Variants in ABCC2 observed in about 807,000 individuals in gnomAD.
ABCC2 encodes ATP-binding cassette sub-family C member 2.
Under a neutral mutation model 173.4 loss-of-function variants are expected in ABCC2, and 157 were observed. The ratio of observed to expected loss-of-function variants is 0.91; its 90% confidence interval spans 0.80 to 1.03. The LOEUF is 1.03. Among genes scored for constraint, ABCC2 ranks in the 50% least tolerant of loss-of-function variants. The pLI, the probability that ABCC2 is intolerant of heterozygous loss-of-function variation, is 0.00. For synonymous variants in ABCC2, 657 were observed against 693.5 expected, an observed-to-expected ratio of 0.95 and a Z score of 0.83; for missense variants, 1,822 against 1,852.3, an observed-to-expected ratio of 0.98 and a Z score of 0.30.
chr10:99,816,220 C>A (rs1426231748), intron 16 of ABCC2, among the ~76,000 whole-genome samples: 1 of 152,122 alleles, frequency 6.6e-6, no homozygotes, highest in East Asian at 1.9e-4. Context: ...CCTGCCTCAG[C>A]CTCCCAGTGT....
Position 99,793,910 on chromosome 10 carries a change from G to C in ABCC2, c.487G>C (p.Ala163Pro). ...CTCATAGGGTGACAATTCTAATCTA[G>C]CCTACTCCTGCCTGTTCTTCATCTC... Reference protein sequence around the residue: ...TLLQGDNSNLAYSCLFFISYG... With the variant: ...TLLQGDNSNLPYSCLFFISYG... The change falls in exon 5 of 32, where the codon GCC becomes CCC. Residue 163 changes from alanine (A) to proline (P), a missense_variant. Transcript: ENST00000647814. 6.2e-7 allele frequency: 1 copy of C among 1,613,658 alleles called. No individual in the cohort carries two copies. The highest frequency in any genetic ancestry group is 8.5e-7 in the Non-Finnish European group (1 of 1,179,756).
At chr10:99,795,720 GAAGAAAGA>G (rs1190466156) in intron 6 of ABCC2, among the ~76,000 whole-genome samples, 8 of 122,832 alleles carry the variant, frequency 6.5e-5, no homozygotes, top group East Asian at 4.5e-4. Context: ...GAGAGAGAGA[GAAGAAAGA>G]AAGAAAGAAG....
At position 99,846,859 on chromosome 10, in the gene ABCC2, T is replaced by C. The variant is rs573056874; in HGVS notation, c.4147-102T>C. 1.0e-5 allele frequency: 15 copies of C among 1,480,528 alleles called. No homozygotes were observed. The African/African-American group carries it at 1.9e-4, about 19-fold the overall frequency. 91.7% of individuals were successfully genotyped at this position (1,480,528 alleles called of 1,614,324 possible). A position where few individuals can be genotyped will look rare whatever the true frequency, so the allele number is the denominator to read the frequency against. ...ACAAACCAGCTTCCTGCCTCAGGAA[T>C]CCATCTCAGGCCAGTCCTATCCACC... On this transcript the variant is annotated intron_variant, in intron 29 of 31. Transcript: ENST00000647814.
rs66898362 is a variant in ABCC2, at chr10:99,844,406, C to G, written c.3928C>G (p.Arg1310Gly). ...IQFNNYQVRY[R>G]PELDLVLRGI... The stretch of plus-strand genomic sequence containing the variant: ...GTTTAACAACTACCAAGTGCGGTAC[C>G]GACCTGAGCTGGATCTGGTCCTCAG... Residue 1310 changes from arginine to glycine, a missense_variant, in exon 28 of 32, where the codon CGA becomes GGA. Arg to Gly is a moderately radical substitution (Grantham distance 125). Transcript: ENST00000647814. 2 of 1,614,168 alleles carry G rather than the reference C, an allele frequency of 1.2e-6. No individual in the cohort carries two copies. Among genetic ancestry groups the G allele is most frequent in the East Asian group, 4.5e-5 (2 of 44,886 alleles).
chr10:99,818,299 T>C (rs1034751375), intron 17 of ABCC2, among the ~76,000 whole-genome samples: 16 of 152,132 alleles, frequency 1.1e-4, no homozygotes, highest in Non-Finnish European at 2.2e-4. Context: ...AACCTCTAAA[T>C]AAAGACCCTG....
Position 99,788,355 on chromosome 10 carries a change from C to T in ABCC2, c.207+3574C>T, listed in dbSNP as rs145660076. On this transcript the variant is annotated intron_variant, in intron 2 of 31. Transcript: ENST00000647814. ...CTAAGCAGCCAAACTCGTACTGATACCACCATGCAGCCAAGGTTACTGAAA... is the reference window on the plus strand; with the variant it reads ...CTAAGCAGCCAAACTCGTACTGATATCACCATGCAGCCAAGGTTACTGAAA... Among the ~76,000 whole-genome samples, 310 of 152,240 alleles carry T rather than the reference C, an allele frequency of 2.0e-3. 2 individuals are homozygous for T. Among genetic ancestry groups the T allele is most frequent in the Middle Eastern group, 6.8e-3 (2 of 294 alleles).
chr10:99,783,751 G>T (rs1004605645), intron 1 of ABCC2, among the ~76,000 whole-genome samples: 5 of 152,128 alleles, frequency 3.3e-5, no homozygotes. Context: ...TGGGTCCCAA[G>T]ACCCTCGAGG....
At position 99,844,406 on chromosome 10, in the gene ABCC2, C is replaced by T. The variant is rs66898362; in HGVS notation, c.3928C>T (p.Arg1310Ter). ...GTTTAACAACTACCAAGTGCGGTAC[C>T]GACCTGAGCTGGATCTGGTCCTCAG... ...IQFNNYQVRY[R>*]PELDLVLRGI... Residue 1310 changes from arginine to a stop codon, truncating the protein, a stop_gained, in exon 28 of 32, where the codon CGA becomes TGA. Transcript: ENST00000647814. LOFTEE classifies it high-confidence loss of function. The T allele has an allele frequency of 1.7e-5, 27 of 1,614,168 alleles. No homozygotes were observed. The East Asian group carries it at 2.9e-4, about 17-fold the overall frequency.
chr10:99,840,672 C>T (rs2038926247), intron 25 of ABCC2, among the ~76,000 whole-genome samples: 4 of 151,510 alleles, frequency 2.6e-5, no homozygotes, highest in African/African-American at 9.7e-5. Context: ...CCACCACGCC[C>T]AGCTATTTTT....
chr10:99,828,912 G>A (rs757629165), intron 19 of ABCC2, among the ~76,000 whole-genome samples: 6 of 151,470 alleles, frequency 4.0e-5, no homozygotes, highest in Non-Finnish European at 8.8e-5. Context: ...TCCTGGACAT[G>A]TGCACAGCTC....
chr10:99,814,926 C>A (rs547306052), intron 16 of ABCC2, among the ~76,000 whole-genome samples: 2 of 151,760 alleles, frequency 1.3e-5, no homozygotes, highest in East Asian at 3.9e-4. Context: ...GCCTCAGCCT[C>A]CCAAATAGCT....
chr10:99,842,859 G>C (rs1353598981), intron 26 of ABCC2, among the ~76,000 whole-genome samples: 1 of 152,072 alleles, frequency 6.6e-6, no homozygotes, highest in Non-Finnish European at 1.5e-5. Flanking sequence ...AGACCAGCCT[G>C]GCCAACATGG....
chr10:99,833,805 C>G (rs1590184070), intron 23 of ABCC2, among the ~76,000 whole-genome samples: 1 of 152,120 alleles, frequency 6.6e-6, no homozygotes. Context: ...CAATATAATC[C>G]CCACAAATTT....
chr10:99,827,232 G>A (rs1400650478), intron 19 of ABCC2, among the ~76,000 whole-genome samples: 2 of 152,194 alleles, frequency 1.3e-5, no homozygotes, highest in Non-Finnish European at 2.9e-5. Flanking sequence ...CTGCGTTTGA[G>A]GTTGTAGTGT....
At chr10:99,797,695 G>A in intron 7 of ABCC2, 1 of 271,868 alleles carries the variant, frequency 3.7e-6, no homozygotes, top group Non-Finnish European at 7.1e-6. Context: ...TGACCATTCT[G>A]GGCACTAAAA....
chr10:99,842,149 C>T, intron 26 of ABCC2, 56 bp downstream of exon 26: 1 of 1,610,332 alleles, frequency 6.2e-7, no homozygotes, highest in Non-Finnish European at 8.5e-7. Context: ...TTAAATTAAG[C>T]CTGATGTATA....
chr10:99,810,574 C>T (rs2038192387), intron 14 of ABCC2, among the ~76,000 whole-genome samples: 2 of 152,106 alleles, frequency 1.3e-5, no homozygotes, highest in African/African-American at 2.4e-5. Context: ...CCAGCCATGG[C>T]CAGAGTGGGC....
chr10:99,842,183 C>T, intron 26 of ABCC2, 90 bp downstream of exon 26: 1 of 1,570,406 alleles, frequency 6.4e-7, no homozygotes, highest in Non-Finnish European at 8.7e-7. Flanking sequence ...GCTCTTGATT[C>T]CTTCTTAAAC....
intron 19 of ABCC2, among the ~76,000 whole-genome samples, chr10:99,827,353 C>A (rs1171989686): frequency 6.6e-6 from 1 of 152,164 alleles, no homozygotes; most frequent in South Asian, 2.1e-4. Flanking sequence ...GGATATATCA[C>A]CTCCTGTAAT....
Sources: gnomAD v4.1 joint callset for allele counts (sites outside exome capture counted in the v4.1 genomes callset) on GRCh38, gnomAD v4.1.1 for gene constraint, MANE v1.5 for transcripts, NCBI Gene and HGNC (gene_info 2026-07-23, HGNC 2026-07-21) for gene names.